CAMK4: variants seen among roughly 807,000 people sequenced by gnomAD.
The protein encoded by CAMK4 is calcium/calmodulin dependent protein kinase IV, also known as calcium/calmodulin-dependent protein kinase type IV.
Under a neutral mutation model 44.9 loss-of-function variants are expected in CAMK4, and 22 were observed. The ratio of observed to expected loss-of-function variants is 0.49; its 90% CI spans 0.35 to 0.70. CAMK4 has a LOEUF of 0.70. Ranked by LOEUF, CAMK4 falls within the 30% of genes least tolerant of loss-of-function variation. The pLI, the probability that CAMK4 is intolerant of heterozygous loss-of-function variation, is 0.01. For synonymous variants in CAMK4, 218 were observed against 215.4 expected, an observed-to-expected ratio of 1.01 and a Z score of -0.11; for missense variants, 498 against 586.8, an observed-to-expected ratio of 0.85 and a Z score of 1.56.
chr5:111,364,055 C>T (rs569445515), intron 2 of CAMK4, among the ~76,000 whole-genome samples: 1 of 152,078 alleles, frequency 6.6e-6, no homozygotes, highest in Admixed American at 6.6e-5. Flanking sequence ...TGAAATAATC[C>T]ATTTTATTTC....
At chr5:111,286,370 C>T (rs1182904067) in intron 1 of CAMK4, among the ~76,000 whole-genome samples, 1 of 152,084 alleles carries the variant, frequency 6.6e-6, no homozygotes, top group Non-Finnish European at 1.5e-5. Context: ...GTATAGTTGG[C>T]TAATTTTTGC....
chr5:111,351,099 G>A (rs1029437171), intron 2 of CAMK4, among the ~76,000 whole-genome samples: 3 of 152,094 alleles, frequency 2.0e-5, no homozygotes, highest in Non-Finnish European at 1.5e-5. Context: ...ATATGTGCAT[G>A]TATATTGCCT....
intron 4 of CAMK4, among the ~76,000 whole-genome samples, chr5:111,390,670 C>A (rs1490859219): frequency 1.3e-5 from 2 of 152,120 alleles, no homozygotes. Context: ...TGTTTTTTCT[C>A]CTGAAATTAT....
chr5:111,246,374 A>C (rs1580473950), intron 1 of CAMK4, among the ~76,000 whole-genome samples: 2 of 152,282 alleles, frequency 1.3e-5, no homozygotes, highest in South Asian at 2.1e-4. Flanking sequence ...TTAATGTACA[A>C]ATGTAATTTA....
chr5:111,408,520 A>G (rs1752517632), intron 5 of CAMK4, among the ~76,000 whole-genome samples: 1 of 152,188 alleles, frequency 6.6e-6, no homozygotes, highest in Non-Finnish European at 1.5e-5. Flanking sequence ...TTTCAATTCA[A>G]GGTGAGATTT....
intron 5 of CAMK4, among the ~76,000 whole-genome samples, chr5:111,419,050 G>T (rs1204258843): frequency 6.6e-6 from 1 of 152,090 alleles, no homozygotes; most frequent in Non-Finnish European, 1.5e-5. Context: ...CTAGTTTACA[G>T]TCCCACCAAC....
At chr5:111,451,260 A>T (rs1254960314) in intron 7 of CAMK4, among the ~76,000 whole-genome samples, 3 of 40,422 alleles carry the variant, frequency 7.4e-5, no homozygotes, top group African/African-American at 3.0e-4. Context: ...TTATATATTT[A>T]TAAAACTATA....
At chr5:111,393,013 G>C (rs558310380) in intron 4 of CAMK4, among the ~76,000 whole-genome samples, 1 of 152,094 alleles carries the variant, frequency 6.6e-6, no homozygotes, top group African/African-American at 2.4e-5. Context: ...ACACTAACTG[G>C]TCACTGAAAA....
At chr5:111,412,819 C>T (rs765207) in intron 5 of CAMK4, among the ~76,000 whole-genome samples, 1 of 152,158 alleles carries the variant, frequency 6.6e-6, no homozygotes, top group Admixed American at 6.5e-5. Flanking sequence ...GTTACCACCT[C>T]TTGCCATGAT....
Position 111,472,460 on chromosome 5 carries a change from TC to T in CAMK4, c.626-850del, listed in dbSNP as rs1313894652. On this transcript the variant is annotated intron_variant, in intron 7 of 10. Transcript: ENST00000282356. The stretch of plus-strand genomic sequence containing the variant: ...TCTATTTCTCCATAGATGGTGGGGC[TC>T]TTACTTTCCCTTTTCTTCTGTTGTT... Among the ~76,000 whole-genome samples the T allele has an allele frequency of 2.0e-5, 3 of 152,222 alleles. No homozygotes were observed. The East Asian group carries it at 5.8e-4, about 29-fold the overall frequency.
chr5:111,442,278 G>A (rs1054931655), intron 5 of CAMK4, among the ~76,000 whole-genome samples: 11 of 152,262 alleles, frequency 7.2e-5, no homozygotes, highest in African/African-American at 2.4e-4. Flanking sequence ...TGGATCACCC[G>A]AGATCAGGGG....
chr5:111,355,126 G>A (rs1750282235), intron 2 of CAMK4, among the ~76,000 whole-genome samples: 1 of 152,010 alleles, frequency 6.6e-6, no homozygotes, highest in African/African-American at 2.4e-5. Flanking sequence ...AGACTTTTTG[G>A]GGCCAATTGA....
intron 2 of CAMK4, among the ~76,000 whole-genome samples, chr5:111,360,847 G>T (rs1375520509): frequency 6.6e-6 from 1 of 152,026 alleles, no homozygotes; most frequent in Non-Finnish European, 1.5e-5. Context: ...AGAATATATT[G>T]CTATGGGGCA....
chr5:111,253,893 A>G (rs1002427296), intron 1 of CAMK4, among the ~76,000 whole-genome samples: 2 of 152,208 alleles, frequency 1.3e-5, no homozygotes, highest in African/African-American at 2.4e-5. Flanking sequence ...TCAACTCACT[A>G]TTTAAACCAT....
At chr5:111,421,755 T>G (rs1220928998) in intron 5 of CAMK4, among the ~76,000 whole-genome samples, 6 of 152,216 alleles carry the variant, frequency 3.9e-5, no homozygotes, top group African/African-American at 9.6e-5. Context: ...GTGGTTTGGC[T>G]GTGTCTCCAC....
chr5:111,337,591 A>G (rs1247375370), intron 1 of CAMK4, among the ~76,000 whole-genome samples: 1 of 148,670 alleles, frequency 6.7e-6, no homozygotes, highest in East Asian at 2.0e-4. Flanking sequence ...TTAATGTTTT[A>G]TTTGAGAAGA....
chr5:111,352,618 T>C (rs1027921375), intron 2 of CAMK4, among the ~76,000 whole-genome samples: 3 of 127,166 alleles, frequency 2.4e-5, no homozygotes, highest in Non-Finnish European at 4.7e-5. Flanking sequence ...TCTTCCTGTG[T>C]CAACTCATGG....
At chr5:111,297,563 A>T (rs1404534388) in intron 1 of CAMK4, among the ~76,000 whole-genome samples, 2 of 152,142 alleles carry the variant, frequency 1.3e-5, no homozygotes, top group Non-Finnish European at 2.9e-5. Context: ...TGCATTGACT[A>T]TGATTTGTTT....
chr5:111,309,141 G>C (rs560016211), intron 1 of CAMK4, among the ~76,000 whole-genome samples: 1 of 152,312 alleles, frequency 6.6e-6, no homozygotes, highest in South Asian at 2.1e-4. Context: ...TCTGCTAGCT[G>C]ACGGTCCAGG....
Sources: gnomAD v4.1 joint callset for allele counts (sites outside exome capture counted in the v4.1 genomes callset) on GRCh38, gnomAD v4.1.1 for gene constraint, MANE v1.5 for transcripts, NCBI Gene and HGNC (gene_info 2026-07-23, HGNC 2026-07-21) for gene names.